Variants in CDH22 observed in about 807,000 individuals in gnomAD.
The protein encoded by CDH22 is cadherin-22.
CDH22 carries 30 observed loss-of-function variants against 58.4 expected under a neutral mutation model. The observed-to-expected ratio is 0.51, with a 90% CI of 0.38 to 0.70. CDH22 has a LOEUF of 0.70. CDH22 is among the 30% of genes least tolerant of loss of function. The pLI is 0.00. For synonymous variants in CDH22, 513 were observed against 558.2 expected, an observed-to-expected ratio of 0.92 and a Z score of 1.14; for missense variants, 1,014 against 1,233.9, an observed-to-expected ratio of 0.82 and a Z score of 2.67.
In CDH22 at chr20:46,192,992, C is replaced by T. The variant is rs143267594; in HGVS notation, c.1424-6045G>A. On this transcript the variant is annotated intron_variant, in intron 8 of 11. Transcript: ENST00000537909. ...GGGACTTCAGTGATCTATTTGGTTT[C>T]CACATGGAGACTGGAAGCTTTGACC... 7.4e-3 allele frequency among the ~76,000 whole-genome samples: 1,123 copies of T among 152,186 alleles called. 7 individuals are homozygous for T. Among genetic ancestry groups the T allele is most frequent in the Middle Eastern group, 0.044 (13 of 294 alleles).
chr20:46,202,920 G>A (rs2085972391), intron 7 of CDH22, among the ~76,000 whole-genome samples: 1 of 144,702 alleles, frequency 6.9e-6, no homozygotes, highest in Admixed American at 6.7e-5. Context: ...CGTCAGGGCT[G>A]GGCGAGAGGC....
intron 10 of CDH22, among the ~76,000 whole-genome samples, chr20:46,181,744 C>CTTTCTTTCTTTCTTTCT (rs1555800208): frequency 9.4e-4 from 29 of 30,740 alleles, no homozygotes; most frequent in Non-Finnish European, 1.8e-3. Flanking sequence ...TCCTTCCTTC[C>CTTTCTTTCTTTCTTTCT]TTCCTTCCTT....
intron 1 of CDH22, among the ~76,000 whole-genome samples, chr20:46,265,043 C>T (rs914025403): frequency 2.7e-4 from 41 of 152,194 alleles, no homozygotes; most frequent in African/African-American, 8.0e-4. Flanking sequence ...CCACCCTGCC[C>T]GTGTGCCGGT....
intron 1 of CDH22, among the ~76,000 whole-genome samples, chr20:46,304,493 C>T (rs1339397819): frequency 6.6e-6 from 1 of 152,204 alleles, no homozygotes; most frequent in African/African-American, 2.4e-5. Context: ...GCTGGTTGGA[C>T]TCCAATGCCT....
chr20:46,266,802 A>G (rs1375289691), intron 1 of CDH22, among the ~76,000 whole-genome samples: 2 of 152,104 alleles, frequency 1.3e-5, no homozygotes, highest in African/African-American at 2.4e-5. Context: ...GGACAGGGTC[A>G]TGCCGGTGTA....
At chr20:46,223,880 G>C (rs1175469653) in intron 4 of CDH22, among the ~76,000 whole-genome samples, 1 of 139,428 alleles carries the variant, frequency 7.2e-6, no homozygotes, top group East Asian at 2.1e-4. Context: ...TTGAGATGGA[G>C]TCTTGCTCTG....
intron 7 of CDH22, among the ~76,000 whole-genome samples, chr20:46,204,466 G>A (rs1054551814): frequency 6.6e-6 from 1 of 151,544 alleles, no homozygotes; most frequent in African/African-American, 2.4e-5. Flanking sequence ...CTGGTTGTGA[G>A]GTTCGGACAA....
chr20:46,285,058 C>T (rs933686703), intron 1 of CDH22, among the ~76,000 whole-genome samples: 2 of 152,298 alleles, frequency 1.3e-5, no homozygotes, highest in East Asian at 1.9e-4. Context: ...TCCCCAACAG[C>T]CCCAGACTTC....
At chr20:46,234,089 A>C (rs1364312385) in intron 3 of CDH22, among the ~76,000 whole-genome samples, 1 of 152,130 alleles carries the variant, frequency 6.6e-6, no homozygotes, top group Non-Finnish European at 1.5e-5. Context: ...CCAAGCACCG[A>C]ATTTAAGAAT....
chr20:46,289,884 T>C, intron 1 of CDH22, among the ~76,000 whole-genome samples: 1 of 152,212 alleles, frequency 6.6e-6, no homozygotes. Flanking sequence ...GGTTTCCAAC[T>C]TGGCTTCATG....
chr20:46,245,467 C>G (rs1377189572), intron 2 of CDH22, among the ~76,000 whole-genome samples: 2 of 152,198 alleles, frequency 1.3e-5, no homozygotes, highest in Non-Finnish European at 2.9e-5. Context: ...TCAGAACTCT[C>G]TGTGCCTGGC....
intron 10 of CDH22, among the ~76,000 whole-genome samples, chr20:46,186,202 C>CAAAA (rs57944745): frequency 1.2e-5 from 1 of 81,116 alleles, no homozygotes; most frequent in Non-Finnish European, 2.7e-5. Context: ...GACCCTGTCT[C>CAAAA]AAAAAAAAAA....
At chr20:46,180,896 G>A (rs2085779347) in intron 10 of CDH22, among the ~76,000 whole-genome samples, 1 of 150,340 alleles carries the variant, frequency 6.7e-6, no homozygotes, top group Non-Finnish European at 1.5e-5. Context: ...ACCATGCTCA[G>A]CTAATTTTTT....
chr20:46,197,890 G>C (rs2085918792), intron 8 of CDH22, among the ~76,000 whole-genome samples: 1 of 152,082 alleles, frequency 6.6e-6, no homozygotes, highest in Non-Finnish European at 1.5e-5. Context: ...TGGCAGCTAG[G>C]GGAGGAGGAA....
At chr20:46,298,892 A>G (rs2086639652) in intron 1 of CDH22, among the ~76,000 whole-genome samples, 1 of 151,596 alleles carries the variant, frequency 6.6e-6, no homozygotes, top group Non-Finnish European at 1.5e-5. Flanking sequence ...TGTTGATCCT[A>G]TTTCCTTGGG....
chr20:46,178,848 G>C (rs1156936274), intron 10 of CDH22, among the ~76,000 whole-genome samples: 2 of 152,152 alleles, frequency 1.3e-5, no homozygotes, highest in Non-Finnish European at 1.5e-5. Context: ...CTCTGCCTAA[G>C]AGGCTGAGCC....
intron 2 of CDH22, among the ~76,000 whole-genome samples, chr20:46,249,207 G>A (rs1440501881): frequency 5.3e-5 from 8 of 152,166 alleles, no homozygotes; most frequent in Non-Finnish European, 1.0e-4. Flanking sequence ...ACTCAGGTGT[G>A]TCTGCCTCCA....
intron 1 of CDH22, among the ~76,000 whole-genome samples, chr20:46,296,222 G>A (rs1048482431): frequency 2.0e-5 from 3 of 152,216 alleles, no homozygotes; most frequent in Non-Finnish European, 4.4e-5. Flanking sequence ...ATCAGTGCTG[G>A]TTCTCACAGC....
chr20:46,204,471 G>A (rs1010271831), intron 7 of CDH22, among the ~76,000 whole-genome samples: 2 of 151,202 alleles, frequency 1.3e-5, no homozygotes, highest in Admixed American at 6.6e-5. Flanking sequence ...TGTGAGGTTC[G>A]GACAAGTGAC....
Sources: gnomAD v4.1 joint callset for allele counts (sites outside exome capture counted in the v4.1 genomes callset) on GRCh38, gnomAD v4.1.1 for gene constraint, MANE v1.5 for transcripts, NCBI Gene and HGNC (gene_info 2026-07-23, HGNC 2026-07-21) for gene names.